Variants in ANKS1B observed in about 807,000 individuals in gnomAD.
The protein encoded by ANKS1B is ankyrin repeat and sterile alpha motif domain-containing protein 1B.
In ANKS1B, 36 loss-of-function variants were observed where a neutral mutation model predicts 148.3. The observed-to-expected ratio is 0.24, with a 90% CI of 0.19 to 0.32. ANKS1B has a LOEUF of 0.32. Ranked by LOEUF, ANKS1B falls within the 10% of genes least tolerant of loss-of-function variation. The pLI, the probability that ANKS1B is intolerant of heterozygous loss-of-function variation, is 1.00. For missense variants in ANKS1B, 1,157 were observed against 1,542.6 expected (o/e 0.75, Z 4.19); for synonymous variants, 542 against 560.8 (o/e 0.97, Z 0.47).
rs544138515 is a variant in ANKS1B, at chr12:98,924,616, G to A, written c.2779-92480C>T. Reference sequence around the variant, plus strand: ...CCCAAAGACACAGCATACTAGGGACGTAAGTGTGGAACTGATACCGTTAGT... The same window carrying A: ...CCCAAAGACACAGCATACTAGGGACATAAGTGTGGAACTGATACCGTTAGT... On this transcript the variant is annotated intron_variant, in intron 17 of 26. Coordinates refer to ENST00000683438, the MANE Select transcript of ANKS1B (RefSeq NM_001352186.2). Among the ~76,000 whole-genome samples the A allele has an allele frequency of 2.3e-4, 35 of 152,230 alleles. No individual in the cohort carries two copies. In the South Asian group the frequency reaches 6.6e-3, roughly 29 times the overall value.
chr12:99,825,209 T>C (rs1219314305), intron 2 of ANKS1B, 100 bp downstream of exon 2: 7 of 986,960 alleles, frequency 7.1e-6, no homozygotes, highest in African/African-American at 4.8e-5. Flanking sequence ...CCTAAGCCCA[T>C]TGGACTCACA....
At chr12:99,345,357 A>T (rs1292315004) in intron 12 of ANKS1B, among the ~76,000 whole-genome samples, 1 of 152,052 alleles carries the variant, frequency 6.6e-6, no homozygotes, top group Non-Finnish European at 1.5e-5. Context: ...GGTCATATCA[A>T]TTCAAAGGAA....
intron 1 of ANKS1B, among the ~76,000 whole-genome samples, chr12:99,971,746 AT>A (rs1039106761): frequency 6.6e-6 from 1 of 152,168 alleles, no homozygotes; most frequent in Non-Finnish European, 1.5e-5. Context: ...TTGCAACACA[AT>A]TTTTTTAAAA....
chr12:99,210,832 A>AT (rs1473656983), intron 14 of ANKS1B, among the ~76,000 whole-genome samples: 1 of 152,222 alleles, frequency 6.6e-6, no homozygotes, highest in East Asian at 1.9e-4. Context: ...TATCCTTGGC[A>AT]TTATCGCCAA....
At chr12:99,205,553 C>G (rs921210749) in intron 14 of ANKS1B, among the ~76,000 whole-genome samples, 3 of 152,190 alleles carry the variant, frequency 2.0e-5, no homozygotes, top group Admixed American at 6.5e-5. Flanking sequence ...TTACTGAGCC[C>G]TTTTCAGGTC....
At chr12:99,924,563 C>CTAA (rs1410531335) in intron 1 of ANKS1B, among the ~76,000 whole-genome samples, 1 of 152,058 alleles carries the variant, frequency 6.6e-6, no homozygotes, top group Admixed American at 6.6e-5. Context: ...TGTTGAAATC[C>CTAA]TAATCCCCAA....
chr12:99,346,304 T>C (rs1369274933), intron 12 of ANKS1B, among the ~76,000 whole-genome samples: 2 of 151,242 alleles, frequency 1.3e-5, no homozygotes, highest in Non-Finnish European at 3.0e-5. Context: ...ACAATTTAAC[T>C]CTTCCTTTTC....
intron 15 of ANKS1B, among the ~76,000 whole-genome samples, chr12:99,152,571 A>G (rs2075225513): frequency 6.6e-6 from 1 of 152,096 alleles, no homozygotes. Context: ...TTAACCTTTC[A>G]GTTCGAGGCT....
chr12:99,607,649 C>T (rs1159677647), intron 9 of ANKS1B, among the ~76,000 whole-genome samples: 1 of 152,076 alleles, frequency 6.6e-6, no homozygotes, highest in African/African-American at 2.4e-5. Flanking sequence ...ACGTTACCTG[C>T]TCCAGATGGC....
chr12:99,513,478 A>G (rs896184844), intron 9 of ANKS1B, among the ~76,000 whole-genome samples: 1 of 152,030 alleles, frequency 6.6e-6, no homozygotes, highest in Admixed American at 6.6e-5. Flanking sequence ...TCATCATGTT[A>G]ATCTTTCCCA....
intron 1 of ANKS1B, among the ~76,000 whole-genome samples, chr12:99,897,272 T>C (rs996548341): frequency 4.6e-5 from 7 of 151,288 alleles, no homozygotes; most frequent in African/African-American, 1.5e-4. Flanking sequence ...AAACTTACTA[T>C]AGCTTTTTTC....
intron 17 of ANKS1B, chr12:98,893,417 A>T (rs2099756849): frequency 6.6e-6 from 1 of 152,196 alleles, no homozygotes; most frequent in African/African-American, 2.4e-5. Flanking sequence ...AACCTCTGAG[A>T]GGTTTTCTAA....
chr12:99,509,610 T>C (rs962220245), intron 9 of ANKS1B, among the ~76,000 whole-genome samples: 1 of 151,928 alleles, frequency 6.6e-6, no homozygotes. Context: ...TGAAGCTGGC[T>C]GTGGTTAGTT....
intron 12 of ANKS1B, among the ~76,000 whole-genome samples, chr12:99,373,205 T>C (rs2093233176): frequency 6.6e-6 from 1 of 152,062 alleles, no homozygotes; most frequent in Non-Finnish European, 1.5e-5. Context: ...TATGGGGTAA[T>C]TGTTCCCAAG....
chr12:99,518,169 C>A (rs183710564), intron 9 of ANKS1B, among the ~76,000 whole-genome samples: 118 of 151,962 alleles, frequency 7.8e-4, no homozygotes, highest in African/African-American at 2.8e-3. Context: ...GAGATACTGA[C>A]CAGTATTTTT....
intron 17 of ANKS1B, among the ~76,000 whole-genome samples, chr12:98,851,001 G>C (rs1017618664): frequency 6.6e-6 from 1 of 152,126 alleles, no homozygotes; most frequent in Non-Finnish European, 1.5e-5. Flanking sequence ...TGTAAAAGTT[G>C]GTCACTGAGT....
chr12:99,494,271 G>T (rs1181706094), intron 10 of ANKS1B, among the ~76,000 whole-genome samples: 1 of 152,168 alleles, frequency 6.6e-6, no homozygotes, highest in Non-Finnish European at 1.5e-5. Flanking sequence ...AGTGGGCTGA[G>T]AAGTGAAAAC....
chr12:99,443,891 T>C, intron 10 of ANKS1B, 82 bp from the exon 11 acceptor site: 3 of 1,483,214 alleles, frequency 2.0e-6, no homozygotes, highest in Non-Finnish European at 2.7e-6. Flanking sequence ...TGAACATAAA[T>C]TGAGATTTCA....
intron 11 of ANKS1B, among the ~76,000 whole-genome samples, chr12:99,432,610 T>C (rs2095394725): frequency 6.6e-6 from 1 of 152,078 alleles, no homozygotes; most frequent in Admixed American, 6.6e-5. Context: ...GGAGTGAAAA[T>C]TGTTATAAAG....
Sources: gnomAD v4.1 joint callset for allele counts (sites outside exome capture counted in the v4.1 genomes callset) on GRCh38, gnomAD v4.1.1 for gene constraint, MANE v1.5 for transcripts, NCBI Gene and HGNC (gene_info 2026-07-23, HGNC 2026-07-21) for gene names.